The following ZBTB37 variants were observed in gnomAD, a reference collection of about 807,000 sequenced individuals.
The protein encoded by ZBTB37 is zinc finger and BTB domain containing 37.
Under a neutral mutation model 37.7 loss-of-function variants are expected in ZBTB37, and 15 were observed. The ratio of observed to expected loss-of-function variants is 0.40; its 90% CI spans 0.27 to 0.61. The LOEUF (loss-of-function observed/expected upper bound fraction) is 0.61. ZBTB37 is among the 20% of genes least tolerant of loss of function. The pLI is 0.44. For synonymous variants in ZBTB37, 231 were observed against 220.6 expected (o/e 1.05, Z -0.42); for missense variants, 514 against 641.9 (o/e 0.80, Z 2.15).
intron 4 of ZBTB37, among the ~76,000 whole-genome samples, chr1:173,873,866 C>A (rs986349500): frequency 5.9e-5 from 9 of 152,138 alleles, no homozygotes; most frequent in Non-Finnish European, 1.2e-4. Context: ...TCATTGTAAT[C>A]TGTTTCATTA....
At chr1:173,885,524 CACTAAAAAGGT>C (rs1431499866) in intron 4 of ZBTB37, 101 bp from the exon 5 acceptor site, 17 of 908,228 alleles carry the variant, frequency 1.9e-5, no homozygotes, top group Non-Finnish European at 2.8e-5. Flanking sequence ...TTTGATCCGC[CACTAAAAAGGT>C]ACATATATCT....
rs565204587 is a variant in ZBTB37, at chr1:173,883,710, A to G, written c.1024-1926A>G. On this transcript the variant is annotated intron_variant, in intron 4 of 4. Transcript: ENST00000427304. The stretch of plus-strand genomic sequence containing the variant: ...AGAAATATTAATATGAAACAAATAA[A>G]ATAATCTTAAAACCTCAGTCTTAGT... 4.3e-4 allele frequency among the ~76,000 whole-genome samples: 66 copies of G among 152,180 alleles called. 1 individual carries two copies. Among genetic ancestry groups the G allele is most frequent in the Non-Finnish European group, 7.5e-4 (51 of 68,040 alleles).
exon 3 of ZBTB37, chr1:173,870,356 G>A (rs751174723): frequency 1.4e-5 from 22 of 1,614,016 alleles, no homozygotes; most frequent in Non-Finnish European, 1.4e-5. Flanking sequence ...CAAGCTTTTC[G>A]GGCTCACAAA....
chr1:173,873,335 A>G (rs1417919855), intron 3 of ZBTB37, 132 bp from the exon 4 acceptor site: 1 of 853,368 alleles, frequency 1.2e-6, no homozygotes. Context: ...CCACAAAACT[A>G]TTCCTCAGTT....
intron 4 of ZBTB37, among the ~76,000 whole-genome samples, chr1:173,875,684 C>T (rs559415754): frequency 7.9e-5 from 12 of 151,794 alleles, no homozygotes; most frequent in African/African-American, 2.2e-4. Context: ...GACAGGGTCT[C>T]ACTCTGGTTG....
intron 4 of ZBTB37, among the ~76,000 whole-genome samples, chr1:173,880,177 A>C (rs61827927): frequency 0.017 from 2,522 of 152,294 alleles, 41 homozygotes; most frequent in Middle Eastern, 0.054. Flanking sequence ...CTCTGACATT[A>C]TCTTCTTAGT....
In ZBTB37 at chr1:173,873,630, A is replaced by C. The variant is rs751378100; in HGVS notation, c.1023+64A>C. ...AGGAATTGCTACTGTGTATGAATAG[A>C]AAATAATGAAAAAGAAAAGATGTAG... On this transcript the variant is annotated intron_variant, in intron 4 of 4. Transcript: ENST00000427304. 3.8e-6 allele frequency: 6 copies of C among 1,590,262 alleles called. No individual in the cohort carries two copies. In the Admixed American group the frequency reaches 8.9e-5, roughly 23 times the overall value.
exon 4 of ZBTB37, chr1:173,896,468 T>C (rs1280081099): frequency 6.6e-6 from 1 of 152,200 alleles, no homozygotes; most frequent in Non-Finnish European, 1.5e-5. Context: ...GGCCCTCCTA[T>C]AGATTCTCTG....
At chr1:173,879,182 C>G (rs1442644441) in intron 4 of ZBTB37, among the ~76,000 whole-genome samples, 2 of 151,874 alleles carry the variant, frequency 1.3e-5, no homozygotes, top group Non-Finnish European at 2.9e-5. Context: ...CTTCTCTCTA[C>G]TTTAGGATTA....
chr1:173,889,185 T>A (rs148276053), downstream of ZBTB37: 73 of 152,386 alleles, frequency 4.8e-4, no homozygotes, highest in African/African-American at 1.6e-3. Flanking sequence ...TTATTCTAAA[T>A]AACTGTCCAA....
chr1:173,886,779 C>T (rs1051150221), downstream of ZBTB37: 1 of 152,480 alleles, frequency 6.6e-6, no homozygotes, highest in Non-Finnish European at 1.5e-5. Flanking sequence ...ACCTGAAGCA[C>T]TTGGCAACTG....
chr1:173,899,673 A>G (rs1304334692), exon 4 of ZBTB37: 1 of 152,130 alleles, frequency 6.6e-6, no homozygotes, highest in Non-Finnish European at 1.5e-5. Context: ...CCTGGGCTTT[A>G]GGTGATTCTA....
downstream of ZBTB37, chr1:173,888,413 G>C (rs1656711668): frequency 6.6e-6 from 1 of 152,094 alleles, no homozygotes; most frequent in Admixed American, 6.6e-5. Context: ...AGAAAGTTCT[G>C]TTTTTCTTTT....
At chr1:173,870,670 C>G in exon 3 of ZBTB37, 1 of 1,614,182 alleles carries the variant, frequency 6.2e-7, no homozygotes, top group Non-Finnish European at 8.5e-7. Flanking sequence ...TCAAGAGAGA[C>G]CTCCAGAGTC....
exon 4 of ZBTB37, chr1:173,901,704 T>G (rs145962530): frequency 2.0e-5 from 3 of 152,304 alleles, no homozygotes; most frequent in Admixed American, 2.0e-4. Flanking sequence ...AGAACTCTGT[T>G]TTTGGCATTT....
At chr1:173,870,179 T>A in intron 2 of ZBTB37, 21 bp from the exon 3 acceptor site, 1 of 1,448,244 alleles carries the variant, frequency 6.9e-7, no homozygotes, top group Non-Finnish European at 9.3e-7. Flanking sequence ...TTAATGAGAA[T>A]ATGGTTTCTT....
chr1:173,898,593 C>G (rs1452118495), exon 4 of ZBTB37: 1 of 152,100 alleles, frequency 6.6e-6, no homozygotes, highest in Admixed American at 6.5e-5. Context: ...TACTTCTAAT[C>G]TCTCCAAAGA....
chr1:173,884,092 T>A (rs867989830), intron 4 of ZBTB37, among the ~76,000 whole-genome samples: 2 of 152,282 alleles, frequency 1.3e-5, no homozygotes, highest in Middle Eastern at 6.8e-3. Context: ...GTTAAAAAAA[T>A]AATTTCTGAT....
intron 4 of ZBTB37, among the ~76,000 whole-genome samples, chr1:173,879,324 T>A (rs1304576759): frequency 1.3e-5 from 2 of 152,132 alleles, no homozygotes; most frequent in Non-Finnish European, 2.9e-5. Context: ...TTCTTCAGGA[T>A]TTTTGCATCA....
Sources: allele counts gnomAD v4.1 joint callset (sites outside exome capture counted in the v4.1 genomes callset), GRCh38; gene constraint gnomAD v4.1.1; transcripts MANE v1.5; gene names NCBI Gene and HGNC (gene_info 2026-07-23, HGNC 2026-07-21).